CATSPERE: variants seen among roughly 807,000 people sequenced by gnomAD.
The protein encoded by CATSPERE is cation channel sperm-associated auxiliary subunit epsilon.
A neutral mutation model predicts 114.1 loss-of-function variants in CATSPERE; 93 were observed. That is an observed-to-expected ratio of 0.81 (90% confidence interval 0.69 to 0.97). The LOEUF (loss-of-function observed/expected upper bound fraction) is 0.97, where lower values mean the gene tolerates loss of function less well. Among genes scored for constraint, CATSPERE ranks in the 50% least tolerant of loss-of-function variants. The probability of loss-of-function intolerance (pLI) is 0.00; values close to 1 mark genes in which losing one functional copy is unlikely to be tolerated. For synonymous variants in CATSPERE, 341 were observed against 384.1 expected (o/e 0.89, Z 1.31); for missense variants, 1,058 against 1,131.6 (o/e 0.93, Z 0.93).
intron 5 of CATSPERE, among the ~76,000 whole-genome samples, chr1:244,485,180 C>CT (rs113615938): frequency 1.2e-4 from 18 of 150,010 alleles, no homozygotes; most frequent in Non-Finnish European, 1.0e-4. Context: ...TTTTCTTTTT[C>CT]TTTTTTTTTC....
At chr1:244,594,868 A>G (rs956135016) in intron 17 of CATSPERE, among the ~76,000 whole-genome samples, 13 of 152,018 alleles carry the variant, frequency 8.6e-5, no homozygotes, top group African/African-American at 2.9e-4. Context: ...TGCCCTTTCC[A>G]TCTTAAATCA....
chr1:244,491,061 C>T (rs144103334), intron 6 of CATSPERE, among the ~76,000 whole-genome samples: 1 of 151,824 alleles, frequency 6.6e-6, no homozygotes, highest in South Asian at 2.1e-4. Context: ...ACAAGGATAC[C>T]CAGGAATTGA....
At chr1:244,491,252 A>T (rs1672096701) in intron 6 of CATSPERE, among the ~76,000 whole-genome samples, 1 of 152,238 alleles carries the variant, frequency 6.6e-6, no homozygotes, top group Non-Finnish European at 1.5e-5. Flanking sequence ...TGTCTCTCAG[A>T]CCACAGTGCA....
At chr1:244,601,770 T>A (rs577182099) in intron 17 of CATSPERE, among the ~76,000 whole-genome samples, 3 of 152,188 alleles carry the variant, frequency 2.0e-5, no homozygotes, top group Non-Finnish European at 4.4e-5. Flanking sequence ...CTGGCCAACA[T>A]GGTGAAACCC....
At chr1:244,629,504 T>TA (rs1491213451) in intron 20 of CATSPERE, among the ~76,000 whole-genome samples, 2 of 23,364 alleles carry the variant, frequency 8.6e-5, no homozygotes, top group Non-Finnish European at 2.2e-4. Flanking sequence ...CTCTCTTACC[T>TA]TTTTTTTTTT....
intron 20 of CATSPERE, among the ~76,000 whole-genome samples, chr1:244,632,148 C>CGAGGTGGGATTGGG (rs1469323930): frequency 1.3e-5 from 2 of 152,068 alleles, no homozygotes; most frequent in Admixed American, 1.3e-4. Context: ...GTAATCCCAG[C>CGAGGTGGGATTGGG]ACTTTGGGAG....
chr1:244,564,484 T>C (rs566020290), intron 10 of CATSPERE, among the ~76,000 whole-genome samples: 7 of 152,328 alleles, frequency 4.6e-5, no homozygotes, highest in South Asian at 2.1e-4. Context: ...GTAAGTTGTA[T>C]TCCTAGGTAT....
intron 7 of CATSPERE, among the ~76,000 whole-genome samples, chr1:244,507,522 G>A (rs988436708): frequency 6.6e-6 from 1 of 152,044 alleles, no homozygotes; most frequent in African/African-American, 2.4e-5. Flanking sequence ...TGTGTTTGTT[G>A]CATATGCTTT....
chr1:244,581,772 A>G (rs1350459202), intron 11 of CATSPERE, 24 bp from the exon 12 acceptor site: 3 of 1,133,508 alleles, frequency 2.6e-6, no homozygotes. Context: ...TGCTTTACAT[A>G]AATTTTAAAT....
At chr1:244,637,665 A>G (rs1291859687) in intron 21 of CATSPERE, among the ~76,000 whole-genome samples, 1 of 152,070 alleles carries the variant, frequency 6.6e-6, no homozygotes, top group Non-Finnish European at 1.5e-5. Flanking sequence ...AACACTTACC[A>G]GTACACCCTC....
At chr1:244,637,136 T>C (rs1674728975) in intron 21 of CATSPERE, among the ~76,000 whole-genome samples, 1 of 152,102 alleles carries the variant, frequency 6.6e-6, no homozygotes, top group Admixed American at 6.5e-5. Flanking sequence ...GGGGGCCCTA[T>C]TACCAATTCC....
chr1:244,555,152 C>T (rs944145374), intron 9 of CATSPERE, among the ~76,000 whole-genome samples: 6 of 151,942 alleles, frequency 3.9e-5, no homozygotes, highest in African/African-American at 7.3e-5. Context: ...TTTGGGAGGC[C>T]GAGGAGGGCA....
chr1:244,579,808 A>G (rs371187595), intron 11 of CATSPERE, among the ~76,000 whole-genome samples: 9 of 152,340 alleles, frequency 5.9e-5, no homozygotes, highest in Admixed American at 1.3e-4. Context: ...TCATCAGTAA[A>G]TTGGGAATAA....
intron 6 of CATSPERE, among the ~76,000 whole-genome samples, chr1:244,494,783 A>G (rs1383368406): frequency 6.6e-6 from 1 of 152,178 alleles, no homozygotes; most frequent in Non-Finnish European, 1.5e-5. Flanking sequence ...GCAACTTACC[A>G]GAAAAAAAGA....
chr1:244,487,531 A>T (rs567817426), intron 5 of CATSPERE, among the ~76,000 whole-genome samples: 1 of 152,106 alleles, frequency 6.6e-6, no homozygotes, highest in African/African-American at 2.4e-5. Flanking sequence ...AAGCCACGCC[A>T]TCATCACCAT....
intron 17 of CATSPERE, among the ~76,000 whole-genome samples, chr1:244,604,763 C>T (rs537180736): frequency 1.5e-4 from 23 of 152,326 alleles, no homozygotes; most frequent in Admixed American, 5.2e-4. Context: ...TGCAAAGGCA[C>T]GACTTTATCA....
intron 7 of CATSPERE, among the ~76,000 whole-genome samples, chr1:244,514,721 CAG>C (rs1274110102): frequency 6.6e-6 from 1 of 150,802 alleles, no homozygotes; most frequent in Non-Finnish European, 1.5e-5. Flanking sequence ...CCCAGCTACT[CAG>C]GGGGCTGAGG....
intron 2 of CATSPERE, among the ~76,000 whole-genome samples, chr1:244,476,571 C>T (rs780516430): frequency 2.6e-5 from 4 of 152,142 alleles, no homozygotes; most frequent in East Asian, 3.9e-4. Flanking sequence ...ATCTATGAAA[C>T]GGTTTACCAC....
chr1:244,603,599 T>C (rs112910429), intron 17 of CATSPERE, among the ~76,000 whole-genome samples: 9 of 152,296 alleles, frequency 5.9e-5, no homozygotes, highest in East Asian at 5.8e-4. Flanking sequence ...TTTACACTTA[T>C]TGCCACTAGA....
Sources: allele counts gnomAD v4.1 joint callset (sites outside exome capture counted in the v4.1 genomes callset), GRCh38; gene constraint gnomAD v4.1.1; transcripts MANE v1.5; gene names NCBI Gene and HGNC (gene_info 2026-07-23, HGNC 2026-07-21).